C19orf53: variants seen among roughly 807,000 people sequenced by gnomAD.
C19orf53 encodes the protein leydig cell tumor 10 kDa protein homolog.
In C19orf53, 9 loss-of-function variants were observed where a neutral mutation model predicts 6.5. That is an observed-to-expected ratio of 1.38 (90% CI 0.83 to 2.40). C19orf53 has a LOEUF of 2.40. C19orf53 is among the 30% of genes most tolerant of loss of function. C19orf53 has a pLI of 0.00. For synonymous variants in C19orf53, 68 were observed against 52.5 expected (o/e 1.29, Z -1.27); for missense variants, 166 against 129.7 (o/e 1.28, Z -1.36).
rs771849983 is a variant in C19orf53, at chr19:13,778,191, C to T, written c.293C>T (p.Pro98Leu). ...GCTGCCGCCACCTCCTCCAAGACAC[C>T]TTCCTGAGGACGCTGGCCCCAGTGC... ...GAAAATSSKT[P>L]S The change falls in exon 3 of 3, where the codon CCT becomes CTT. Residue 98 changes from proline (P) to leucine (L), a missense_variant. Coordinates refer to ENST00000588234, the MANE Select transcript of C19orf53 (RefSeq NM_014047.3). The T allele has an allele frequency of 1.9e-6, 3 of 1,602,480 alleles. No homozygotes were observed. In the East Asian group the frequency reaches 6.7e-5, roughly 36 times the overall value.
rs116237112 is a variant in C19orf53 at position 13,774,766 on chromosome 19, G to T, written c.153+59G>T. On this transcript the variant is annotated intron_variant, in intron 2 of 2. Coordinates refer to ENST00000588234, the MANE Select transcript of C19orf53 (RefSeq NM_014047.3). ...GGCGAGTAGCGAGGGGTGGAACCCG[G>T]AGGACGGCGAGGGGGGATGGGTGGA... 1,430 of 1,550,086 alleles carry T rather than the reference G, an allele frequency of 9.2e-4. 17 individuals are homozygous for T. The African/African-American group carries it at 0.017, about 18-fold the overall frequency.
intron 2 of C19orf53, chr19:13,775,714 G>T (rs1192314476): frequency 1.3e-5 from 2 of 152,236 alleles, no homozygotes; most frequent in African/African-American, 4.8e-5. Flanking sequence ...ACAGCCCTGT[G>T]ATCTTGAGCA....
At chr19:13,775,403 T>C (rs4926168) in intron 2 of C19orf53, 55,268 of 153,658 alleles carry the variant, frequency 0.36, 11,513 homozygotes, top group African/African-American at 0.57. Flanking sequence ...TCTCAGCCTC[T>C]CGAGTAGGTA....
chr19:13,778,317 C>G lies in C19orf53; in HGVS notation c.*119C>G. 1 of 1,271,562 alleles carries G rather than the reference C, an allele frequency of 7.9e-7. No homozygotes were observed. Among genetic ancestry groups the G allele is most frequent in the Non-Finnish European group, 1.0e-6 (1 of 960,886 alleles). 78.8% of individuals were successfully genotyped at this position (1,271,562 alleles called of 1,614,324 possible). On this transcript the variant is annotated 3_prime_UTR_variant, in exon 3 of 3. Transcript: ENST00000588234. Reference sequence around the variant, plus strand: ...CCCTGTCCCCCAGCACTGGGCTTCACCTAGAACTTCAGTGGGGGCCAAGGG... The same window carrying G: ...CCCTGTCCCCCAGCACTGGGCTTCAGCTAGAACTTCAGTGGGGGCCAAGGG...
In C19orf53 at chr19:13,778,310, G is replaced by T. The variant is rs1449301525; in HGVS notation, c.*112G>T. 2 of 1,324,368 alleles carry T rather than the reference G, an allele frequency of 1.5e-6. No homozygotes were observed. The highest frequency in any genetic ancestry group is 3.0e-5 in the African/African-American group (2 of 66,864). The allele number at this position is 1,324,368 out of a possible 1,614,324, so 82.0% of individuals were successfully genotyped here. The stretch of plus-strand genomic sequence containing the variant: ...AAGAGGACCCTGTCCCCCAGCACTG[G>T]GCTTCACCTAGAACTTCAGTGGGGG... On this transcript the variant is annotated 3_prime_UTR_variant, in exon 3 of 3. Transcript: ENST00000588234.
chr19:13,777,021 G>T (rs1974378386), intron 2 of C19orf53, among the ~76,000 whole-genome samples: 1 of 151,732 alleles, frequency 6.6e-6, no homozygotes. Flanking sequence ...GTGCGGTCTG[G>T]GCTCACTGCA....
chr19:13,776,688 C>G (rs966632764), intron 2 of C19orf53, among the ~76,000 whole-genome samples: 12 of 152,176 alleles, frequency 7.9e-5, no homozygotes, highest in African/African-American at 2.9e-4. Context: ...GCCTGGATTC[C>G]TCTCCCAATA....
chr19:13,778,114 C>A lies in C19orf53; in HGVS notation c.216C>A (p.Ser72Arg). The change falls in exon 3 of 3, where the codon AGC becomes AGA. Residue 72 changes from serine to arginine, a missense_variant. Transcript: ENST00000588234. ...EHDVVMKASS[S>R]LPKKLALLKA... is the part of the protein sequence containing the mutation. ...ACGTGGTGATGAAAGCCAGCAGCAG[C>A]CTGCCCAAGAAGCTGGCACTGCTGA... The A allele has an allele frequency of 3.7e-6, 6 of 1,613,354 alleles. No homozygotes were observed. Among genetic ancestry groups the A allele is most frequent in the Non-Finnish European group, 5.1e-6 (6 of 1,179,570 alleles).
rs1357553405 is a variant in C19orf53 at position 13,774,714 on chromosome 19, G to A, written c.153+7G>A. The stretch of plus-strand genomic sequence containing the variant: ...GCAGCAAAAGCTCAAGAAGGTGTGC[G>A]GGGGCGAGAGATGGAGCCCGGAGGG... On this transcript the variant is annotated splice_region_variant and intron_variant, in intron 2 of 2. Coordinates refer to ENST00000588234, the MANE Select transcript of C19orf53 (RefSeq NM_014047.3). 2.5e-6 allele frequency: 4 copies of A among 1,597,518 alleles called. No individual in the cohort carries two copies. Among genetic ancestry groups the A allele is most frequent in the East Asian group, 2.2e-5 (1 of 44,560 alleles).
chr19:13,776,021 A>G (rs374356850), intron 2 of C19orf53, among the ~76,000 whole-genome samples: 84 of 149,832 alleles, frequency 5.6e-4, no homozygotes, highest in African/African-American at 2.1e-3. Flanking sequence ...CAGTTGAGTG[A>G]TCTTGGCTTA....
In C19orf53 at chr19:13,774,716, G is replaced by A; in HGVS notation, c.153+9G>A. The A allele has an allele frequency of 6.9e-6, 11 of 1,596,172 alleles. No individual in the cohort carries two copies. Among genetic ancestry groups the A allele is most frequent in the Non-Finnish European group, 9.4e-6 (11 of 1,167,590 alleles). On this transcript the variant is annotated intron_variant, in intron 2 of 2. Transcript: ENST00000588234. The stretch of plus-strand genomic sequence containing the variant: ...AGCAAAAGCTCAAGAAGGTGTGCGG[G>A]GGCGAGAGATGGAGCCCGGAGGGCG...
Position 13,778,235 on chromosome 19 carries a change from C to A in C19orf53, c.*37C>A, listed in dbSNP as rs752073219. On this transcript the variant is annotated 3_prime_UTR_variant, in exon 3 of 3. Transcript: ENST00000588234. Reference sequence around the variant, plus strand: ...CCAGTGCAGGCCAACATCCCACCCCCTACCTCCATATGGGACCTTGCAAGT... The same window carrying A: ...CCAGTGCAGGCCAACATCCCACCCCATACCTCCATATGGGACCTTGCAAGT... 1.3e-6 allele frequency: 2 copies of A among 1,539,384 alleles called. No individual in the cohort carries two copies. Among genetic ancestry groups the A allele is most frequent in the Non-Finnish European group, 1.8e-6 (2 of 1,139,640 alleles).
chr19:13,775,059 C>T (rs1447382315), intron 2 of C19orf53, among the ~76,000 whole-genome samples: 9 of 152,120 alleles, frequency 5.9e-5, no homozygotes, highest in Non-Finnish European at 1.0e-4. Context: ...CCCTTTTCTT[C>T]CTTGTGCAAG....
intron 2 of C19orf53, among the ~76,000 whole-genome samples, chr19:13,775,312 C>T (rs1361595643): frequency 6.6e-6 from 1 of 152,090 alleles, no homozygotes; most frequent in African/African-American, 2.4e-5. Flanking sequence ...GTCAGGGTCT[C>T]ACTGTTGCCC....
In C19orf53 at chr19:13,778,330, T is replaced by C. The variant is rs943594126; in HGVS notation, c.*132T>C. ...CACTGGGCTTCACCTAGAACTTCAG[T>C]GGGGGCCAAGGGTGCTGAGAACCCA... On this transcript the variant is annotated 3_prime_UTR_variant, in exon 3 of 3. Transcript: ENST00000588234. 1.7e-6 allele frequency: 2 copies of C among 1,169,490 alleles called. No individual in the cohort carries two copies. The highest frequency in any genetic ancestry group is 2.0e-5 in the South Asian group (1 of 50,894). 72.4% of individuals were successfully genotyped at this position (1,169,490 alleles called of 1,614,324 possible).
rs1974352983 is a variant in C19orf53, at chr19:13,775,008, G to T, written c.153+301G>T. 7 of 527,508 alleles carry T rather than the reference G, an allele frequency of 1.3e-5. No homozygotes were observed. The East Asian group carries it at 2.0e-4, about 15-fold the overall frequency. The allele number at this position is 527,508 out of a possible 1,614,324, so 32.7% of individuals were successfully genotyped here. ...GAAGGAGCACAGGGATCGGCAAAGG[G>T]CAAGGGATGAGGCCTGGAGGACTCC... On this transcript the variant is annotated intron_variant, in intron 2 of 2. Coordinates refer to ENST00000588234, the MANE Select transcript of C19orf53 (RefSeq NM_014047.3).
intron 1 of C19orf53, 36 bp from the exon 2 acceptor site, chr19:13,774,612 CCCCG>C (rs1974344318): frequency 1.2e-6 from 2 of 1,613,046 alleles, no homozygotes; most frequent in East Asian, 4.5e-5. Flanking sequence ...CGAGGTGGAC[CCCCG>C]GCTTCCCGGC....
rs1044266459 is a variant in C19orf53, at chr19:13,775,824, C to T, written c.153+1117C>T. ...GGGAATCTCATGGTCACCTTGCACT[C>T]AGCATGTCCAAAACCAAATTCCTGA... On this transcript the variant is annotated intron_variant, in intron 2 of 2. Transcript: ENST00000588234. 2.0e-5 allele frequency among the ~76,000 whole-genome samples: 3 copies of T among 152,144 alleles called. 1 individual carries two copies. In the South Asian group the frequency reaches 6.2e-4, roughly 32 times the overall value.
chr19:13,778,158 AAG>A lies in C19orf53; in HGVS notation c.261_262del (p.Ala89SerfsTer66). ...CTGCTGAAGGCCCCAGCCAAGAAGA[AAG>A]GGGCAGCTGCCGCCACCTCCTCCAA... On this transcript the variant is annotated frameshift_variant, in exon 3 of 3. Transcript: ENST00000588234. LOFTEE classifies it low-confidence loss of function (END_TRUNC). 6.2e-7 allele frequency: 1 copy of A among 1,611,634 alleles called. No individual in the cohort carries two copies. The highest frequency in any genetic ancestry group is 2.2e-5 in the East Asian group (1 of 44,724).
Sources: gnomAD v4.1 joint callset for allele counts (sites outside exome capture counted in the v4.1 genomes callset) on GRCh38, gnomAD v4.1.1 for gene constraint, MANE v1.5 for transcripts, NCBI Gene and HGNC (gene_info 2026-07-23, HGNC 2026-07-21) for gene names.